The following GRID1 variants were observed in gnomAD, a reference collection of about 807,000 sequenced individuals.
The protein encoded by GRID1 is glutamate receptor ionotropic, delta-1.
GRID1 carries 28 observed loss-of-function variants against 98.0 expected under a neutral mutation model. The ratio of observed to expected loss-of-function variants is 0.29; its 90% CI spans 0.21 to 0.39. The LOEUF is 0.39. Among genes scored for constraint, GRID1 ranks in the 10% least tolerant of loss-of-function variants. The pLI, the probability that GRID1 is intolerant of heterozygous loss-of-function variation, is 1.00. For missense variants in GRID1, 1,111 were observed against 1,340.5 expected, an observed-to-expected ratio of 0.83 and a Z score of 2.67; for synonymous variants, 553 against 538.5, an observed-to-expected ratio of 1.03 and a Z score of -0.37.
intron 13 of GRID1, chr10:85,646,506 C>T (rs1396026555): frequency 1.3e-5 from 2 of 152,548 alleles, no homozygotes; most frequent in African/African-American, 2.4e-5. Context: ...CCACCCGATC[C>T]TCAGCTGTAT....
chr10:85,795,304 G>A (rs1842516447), intron 8 of GRID1, among the ~76,000 whole-genome samples: 1 of 151,978 alleles, frequency 6.6e-6, no homozygotes, highest in South Asian at 2.1e-4. Flanking sequence ...CTGTTCCTGG[G>A]GCAGCCAGAC....
At chr10:85,854,810 T>C (rs1301919167) in intron 7 of GRID1, among the ~76,000 whole-genome samples, 195 bp from the exon 8 acceptor site, 2 of 152,216 alleles carry the variant, frequency 1.3e-5, no homozygotes. Flanking sequence ...CTAGGATATT[T>C]GCTTATGGGA....
At chr10:86,178,119 A>T (rs1227774631) in intron 3 of GRID1, among the ~76,000 whole-genome samples, 1 of 152,284 alleles carries the variant, frequency 6.6e-6, no homozygotes, top group East Asian at 1.9e-4. Flanking sequence ...CACAAAAACC[A>T]AATCTCCAAA....
At chr10:86,355,964 A>C (rs1235688426) in intron 2 of GRID1, among the ~76,000 whole-genome samples, 1 of 152,206 alleles carries the variant, frequency 6.6e-6, no homozygotes. Flanking sequence ...AGACTTGCCA[A>C]AGTCCAGCTA....
At chr10:86,015,655 G>A (rs1029844862) in intron 4 of GRID1, among the ~76,000 whole-genome samples, 1 of 152,182 alleles carries the variant, frequency 6.6e-6, no homozygotes, top group Admixed American at 6.5e-5. Context: ...GGATCCAACT[G>A]CTCTGGGGCC....
chr10:85,865,705 CATTAAGAAAGAAA>C (rs1297782820), intron 6 of GRID1, among the ~76,000 whole-genome samples: 1 of 151,478 alleles, frequency 6.6e-6, no homozygotes, highest in African/African-American at 2.4e-5. Flanking sequence ...TCCACACTGT[CATTAAGAAAGAAA>C]GAAGTGGTAA....
intron 4 of GRID1, among the ~76,000 whole-genome samples, chr10:85,960,669 T>A (rs967238511): frequency 6.6e-6 from 1 of 152,142 alleles, no homozygotes; most frequent in Non-Finnish European, 1.5e-5. Context: ...CCTGCAAGAA[T>A]CTCTCACCTG....
In GRID1 at chr10:86,264,673, G is replaced by A. The variant is rs781393736; in HGVS notation, c.236-58025C>T. The A allele has an allele frequency of 1.9e-5, 9 of 469,938 alleles. 1 individual carries two copies. The highest frequency in any genetic ancestry group is 1.4e-4 in the East Asian group (2 of 14,698). 29.1% of individuals were successfully genotyped at this position (469,938 alleles called of 1,614,324 possible). A position where few individuals can be genotyped will look rare whatever the true frequency, so the allele number is the denominator to read the frequency against. On this transcript the variant is annotated intron_variant, in intron 2 of 15. Transcript: ENST00000327946. ...GTGGTGAGTCTGTAACCAGAGAGAAGAGCCATGTCCCATGCAGGAGCCGCT... is the reference window on the plus strand; with the variant it reads ...GTGGTGAGTCTGTAACCAGAGAGAAAAGCCATGTCCCATGCAGGAGCCGCT...
intron 8 of GRID1, among the ~76,000 whole-genome samples, chr10:85,786,691 T>C (rs961117135): frequency 1.3e-5 from 2 of 152,186 alleles, no homozygotes; most frequent in African/African-American, 4.8e-5. Context: ...ACTGTAATTA[T>C]TGTTATAGAT....
chr10:86,215,728 C>G (rs1395148103), intron 2 of GRID1, among the ~76,000 whole-genome samples: 1 of 152,220 alleles, frequency 6.6e-6, no homozygotes, highest in Non-Finnish European at 1.5e-5. Flanking sequence ...CACCTCCTCA[C>G]TCTGCCTTTG....
rs556467152 is a variant in GRID1 at position 86,257,034 on chromosome 10, T to C, written c.236-50386A>G. On this transcript the variant is annotated intron_variant, in intron 2 of 15. Transcript: ENST00000327946. ...CTCCCTAGCACTGATACCCTCTGAG[T>C]GCTTCCCTGTCCCTGCTGGGTTCCT... is the stretch of plus-strand genomic sequence containing the variant. Among the ~76,000 whole-genome samples, 9 of 152,312 alleles carry C rather than the reference T, an allele frequency of 5.9e-5. No individual in the cohort carries two copies. The South Asian group carries it at 1.9e-3, about 32-fold the overall frequency.
chr10:85,872,598 G>A (rs190402759), intron 5 of GRID1, among the ~76,000 whole-genome samples: 1 of 152,356 alleles, frequency 6.6e-6, no homozygotes, highest in African/African-American at 2.4e-5. Flanking sequence ...ACCTGGGGCA[G>A]CACCTGGAGT....
chr10:85,845,920 C>G (rs556869707), intron 8 of GRID1, among the ~76,000 whole-genome samples: 2 of 152,018 alleles, frequency 1.3e-5, no homozygotes, highest in South Asian at 4.2e-4. Flanking sequence ...ACAGGAAAAA[C>G]CTAATTAAGG....
In GRID1 at chr10:86,003,076, C is replaced by T. The variant is rs575633669; in HGVS notation, c.727-86837G>A. The stretch of plus-strand genomic sequence containing the variant: ...AAAAAAGGGCTTCCCTTTCTTCTGT[C>T]TCCTGAACCCAATGAAGCCCAGAAC... On this transcript the variant is annotated intron_variant, in intron 4 of 15. Transcript: ENST00000327946. Among the ~76,000 whole-genome samples the T allele has an allele frequency of 2.6e-5, 4 of 152,370 alleles. No individual in the cohort carries two copies. The South Asian group carries it at 8.3e-4, about 32-fold the overall frequency.
chr10:85,640,246 G>T (rs1445150873), intron 13 of GRID1, among the ~76,000 whole-genome samples: 1 of 152,218 alleles, frequency 6.6e-6, no homozygotes, highest in East Asian at 1.9e-4. Context: ...AGGTACAAAA[G>T]ATATAGAGAT....
chr10:85,664,073 TC>T (rs1454813556), intron 12 of GRID1, among the ~76,000 whole-genome samples: 2 of 152,242 alleles, frequency 1.3e-5, no homozygotes, highest in East Asian at 3.9e-4. Flanking sequence ...GAATAGTCAC[TC>T]AATGTTGATG....
intron 8 of GRID1, among the ~76,000 whole-genome samples, chr10:85,843,337 T>C (rs1488544228): frequency 6.6e-6 from 1 of 151,792 alleles, no homozygotes; most frequent in Admixed American, 6.6e-5. Context: ...AATATCAAAC[T>C]TTAAAAAAAT....
intron 2 of GRID1, among the ~76,000 whole-genome samples, chr10:86,310,749 G>T (rs543011262): frequency 6.6e-6 from 1 of 152,296 alleles, no homozygotes; most frequent in East Asian, 1.9e-4. Flanking sequence ...CACATCTGCT[G>T]GAGCACCCCA....
At chr10:85,814,614 T>C (rs1842700403) in intron 8 of GRID1, among the ~76,000 whole-genome samples, 1 of 151,930 alleles carries the variant, frequency 6.6e-6, no homozygotes, top group Non-Finnish European at 1.5e-5. Context: ...AGGACATTAC[T>C]ACATACTTTT....
Sources: allele counts gnomAD v4.1 joint callset (sites outside exome capture counted in the v4.1 genomes callset), GRCh38; gene constraint gnomAD v4.1.1; transcripts MANE v1.5; gene names NCBI Gene and HGNC (gene_info 2026-07-23, HGNC 2026-07-21).